The following CHD2 variants were observed in gnomAD, a reference collection of about 807,000 sequenced individuals.
CHD2 encodes chromodomain helicase DNA binding protein 2.
CHD2 carries 28 observed loss-of-function variants against 243.9 expected under a neutral mutation model. The observed-to-expected ratio is 0.11, with a 90% CI of 0.09 to 0.16. The LOEUF (loss-of-function observed/expected upper bound fraction) is 0.16, where lower values mean the gene tolerates loss of function less well. Among genes scored for constraint, CHD2 ranks in the 10% least tolerant of loss-of-function variants. CHD2 has a pLI of 1.00. For synonymous variants in CHD2, 775 were observed against 779.0 expected (o/e 0.99, Z 0.09); for missense variants, 1,386 against 2,209.8 (o/e 0.63, Z 7.47).
At chr15:92,965,565 C>CAAAAAAAAAAAAAAAAAA (rs61447848) in intron 16 of CHD2, among the ~76,000 whole-genome samples, 2 of 111,068 alleles carry the variant, frequency 1.8e-5, no homozygotes, top group Non-Finnish European at 3.4e-5. Context: ...ACTCTTTCTC[C>CAAAAAAAAAAAAAAAAAA]AAAAAAAAAA....
intron 19 of CHD2, 35 bp from the exon 20 acceptor site, chr15:92,974,844 C>T (rs1356268141): frequency 1.3e-6 from 2 of 1,597,104 alleles, no homozygotes; most frequent in Non-Finnish European, 1.7e-6. Flanking sequence ...GCTGATCTTC[C>T]TATCTTACAG....
intron 34 of CHD2, among the ~76,000 whole-genome samples, chr15:93,005,562 T>G (rs2054309861): frequency 6.6e-6 from 1 of 152,188 alleles, no homozygotes; most frequent in East Asian, 1.9e-4. Context: ...CTTTCAAATT[T>G]GAAAATACTT....
chr15:92,953,369 A>C lies in CHD2; in HGVS notation c.1515A>C (p.Val505=), dbSNP rs2053579021. The change falls in exon 14 of 39, where the codon GTA becomes GTC. Residue 505 remains valine (V), a synonymous_variant. Coordinates refer to ENST00000394196, the MANE Select transcript of CHD2 (RefSeq NM_001271.4). ...TTTCTTTCTGCAGAAATAATAGTGTAATCCTTGCTGATGAAATGGGCCTAG... is the reference window on the plus strand; with the variant it reads ...TTTCTTTCTGCAGAAATAATAGTGTCATCCTTGCTGATGAAATGGGCCTAG... ...LAHSWCKNNS[V]ILADEMGLGK... is the part of the protein sequence containing the mutation. 1 of 1,613,822 alleles carries C rather than the reference A, an allele frequency of 6.2e-7. No homozygotes were observed. Among genetic ancestry groups the C allele is most frequent in the Non-Finnish European group, 8.5e-7 (1 of 1,179,782 alleles).
chr15:93,024,101 A>T (rs905250446), intron 38 of CHD2, among the ~76,000 whole-genome samples: 1 of 152,052 alleles, frequency 6.6e-6, no homozygotes, highest in Non-Finnish European at 1.5e-5. Flanking sequence ...TATGGATCTT[A>T]CCAGATTTTT....
At chr15:92,957,890 G>C (rs2141818127) in intron 16 of CHD2, among the ~76,000 whole-genome samples, 1 of 152,088 alleles carries the variant, frequency 6.6e-6, no homozygotes, top group Non-Finnish European at 1.5e-5. Flanking sequence ...ACCTTTTCTA[G>C]AAGTTTTATA....
chr15:92,991,954 A>G (rs2054125650), intron 27 of CHD2, among the ~76,000 whole-genome samples: 1 of 152,236 alleles, frequency 6.6e-6, no homozygotes, highest in African/African-American at 2.4e-5. Flanking sequence ...AATACAAAGG[A>G]CTTAACATAG....
At chr15:92,915,878 C>G (rs2052824550) in intron 2 of CHD2, among the ~76,000 whole-genome samples, 1 of 152,112 alleles carries the variant, frequency 6.6e-6, no homozygotes, top group South Asian at 2.1e-4. Context: ...ACAATTTGCC[C>G]ACAGGGAAAT....
chr15:92,981,239 A>G (rs1327259547), intron 23 of CHD2, 126 bp from the exon 24 acceptor site: 32 of 637,030 alleles, frequency 5.0e-5, no homozygotes, highest in South Asian at 2.0e-5. Context: ...AAGTAAATGA[A>G]ATATCAGAAA....
In CHD2 at chr15:93,023,092, AT is replaced by A. The variant is rs367769868; in HGVS notation, c.5154-1279del. Among the ~76,000 whole-genome samples, 403 of 152,348 alleles carry A rather than the reference AT, an allele frequency of 2.6e-3. 1 individual carries two copies. The highest frequency in any genetic ancestry group is 9.2e-3 in the African/African-American group (384 of 41,580). ...ACAACTGAATGACCTTAGTGCATTT[AT>A]AATATTGGGCAGCCACCACTTCTAT... On this transcript the variant is annotated intron_variant, in intron 38 of 38. Transcript: ENST00000394196.
intron 12 of CHD2, among the ~76,000 whole-genome samples, chr15:92,948,051 C>A (rs1056167199): frequency 1.3e-5 from 2 of 152,126 alleles, no homozygotes; most frequent in Non-Finnish European, 2.9e-5. Flanking sequence ...ACTTTTTGAT[C>A]GGTTGTTTCC....
Position 92,980,849 on chromosome 15 carries a change from A to G in CHD2, c.2911A>G (p.Ile971Val). 1.2e-6 allele frequency: 2 copies of G among 1,613,768 alleles called. No homozygotes were observed. Among genetic ancestry groups the G allele is most frequent in the Non-Finnish European group, 1.7e-6 (2 of 1,179,758 alleles). The change falls in exon 23 of 39, where the codon ATT becomes GTT. Residue 971 changes from isoleucine (I) to valine (V), a missense_variant. Physicochemically the swap from Ile to Val is conservative, Grantham distance 29. Around this residue, in one of 19 missense-constraint regions of CHD2, gnomAD observed 99 missense variants for 206.4 expected, o/e 0.48. Transcript: ENST00000394196. ...NPFNKEELTA[I>V]LKFGAEDLFK... ...TTTTAATAAAGAAGAGCTGACAGCT[A>G]TTTTGAAATTTGGAGCAGAGGATCT...
rs772119828 is a variant in CHD2, at chr15:93,020,249, A to G, written c.5144A>G (p.Tyr1715Cys). 8 of 1,614,172 alleles carry G rather than the reference A, an allele frequency of 5.0e-6. No homozygotes were observed. The highest frequency in any genetic ancestry group is 6.8e-6 in the Non-Finnish European group (8 of 1,180,026). Residue 1715 changes from tyrosine (Y) to cysteine (C), a missense_variant, in exon 38 of 39, where the codon TAT (tyrosine) becomes TGT (cysteine). Tyr to Cys is a radical substitution (Grantham distance 194). Around this residue, in one of 19 missense-constraint regions of CHD2, gnomAD observed 347 missense variants for 341.6 expected, o/e 1.02. Coordinates refer to ENST00000394196, the MANE Select transcript of CHD2 (RefSeq NM_001271.4). ...SDRDHRGHRD[Y>C]YDRHHHDSKR... is the part of the protein sequence containing the mutation. ...CGAGACCACCGGGGACACAGAGATT[A>G]TTATGACAGGTATGCAAAAGGCTGT...
intron 24 of CHD2, among the ~76,000 whole-genome samples, chr15:92,982,982 A>G (rs2053998474): frequency 1.3e-5 from 2 of 152,188 alleles, no homozygotes; most frequent in East Asian, 1.9e-4. Context: ...CAGGGTGCCA[A>G]CATGGTCAGG....
intron 2 of CHD2, among the ~76,000 whole-genome samples, chr15:92,905,750 T>C (rs1468559088): frequency 1.3e-5 from 2 of 152,230 alleles, no homozygotes; most frequent in African/African-American, 4.8e-5. Flanking sequence ...ATCAAATAAT[T>C]TGTACCTGAT....
At chr15:92,940,535 A>G (rs929395072) in intron 7 of CHD2, among the ~76,000 whole-genome samples, 12 of 151,190 alleles carry the variant, frequency 7.9e-5, no homozygotes, top group East Asian at 3.9e-4. Context: ...TTTTTTTTAG[A>G]TTTTACAGAT....
rs2054589545 is a variant in CHD2, at chr15:93,026,765, G to T, written c.*2060G>T. ...TGCCTTGCCCAAGCCAAAGAGGAAG[G>T]TTAGGTTGGCTTGTCGAGCCCTTGA... On this transcript the variant is annotated 3_prime_UTR_variant, in exon 39 of 39. Transcript: ENST00000394196. The T allele has an allele frequency of 6.6e-6, 1 of 152,344 alleles. No homozygotes were observed. Among genetic ancestry groups the T allele is most frequent in the Admixed American group, 6.5e-5 (1 of 15,286 alleles). The allele number at this position is 152,344 out of a possible 1,614,324, so 9.4% of individuals were successfully genotyped here.
At chr15:92,904,716 T>A in intron 2 of CHD2, 1 of 1,399,268 alleles carries the variant, frequency 7.1e-7, no homozygotes, top group Non-Finnish European at 9.2e-7. Flanking sequence ...TTGGAAATCT[T>A]AAAATAGAAA....
chr15:92,957,205 C>T (rs2053627241), intron 16 of CHD2, among the ~76,000 whole-genome samples: 1 of 152,212 alleles, frequency 6.6e-6, no homozygotes, highest in Non-Finnish European at 1.5e-5. Context: ...CAGTCTGGCC[C>T]CTTGACAATA....
chr15:92,913,790 T>A (rs1369122421), intron 2 of CHD2, among the ~76,000 whole-genome samples: 3 of 152,152 alleles, frequency 2.0e-5, no homozygotes, highest in Non-Finnish European at 4.4e-5. Context: ...AGCTTGCGGC[T>A]GCAGTGAGCT....
Sources: allele counts gnomAD v4.1 joint callset (sites outside exome capture counted in the v4.1 genomes callset), GRCh38; gene constraint gnomAD v4.1.1; regional missense constraint gnomAD v4.1.1; transcripts MANE v1.5; gene names NCBI Gene and HGNC (gene_info 2026-07-23, HGNC 2026-07-21).